ZNF641: variants seen among roughly 807,000 people sequenced by gnomAD.
ZNF641 encodes the protein zinc finger protein 641.
In ZNF641, 26 loss-of-function variants were observed where a neutral mutation model predicts 46.2. The observed-to-expected ratio is 0.56, with a 90% confidence interval of 0.41 to 0.78. ZNF641 has a LOEUF of 0.78. ZNF641 is among the 30% of genes least tolerant of loss of function. The pLI is 0.00. For synonymous variants in ZNF641, 163 were observed against 187.9 expected, an observed-to-expected ratio of 0.87 and a Z score of 1.09; for missense variants, 469 against 517.8, an observed-to-expected ratio of 0.91 and a Z score of 0.91.
At position 48,342,782 on chromosome 12, in the gene ZNF641, AC is replaced by A; in HGVS notation, c.*190del. ...GCTTCCCAAAAGTTTTGCCCAAAGA[AC>A]TCTATTTTTATGTGCTATCTCACAG... On this transcript the variant is annotated 3_prime_UTR_variant, in exon 6 of 6. Transcript: ENST00000547026. The A allele has an allele frequency of 1.4e-6, 2 of 1,413,422 alleles. No homozygotes were observed. The highest frequency in any genetic ancestry group is 1.8e-6 in the Non-Finnish European group (2 of 1,089,026). The allele number at this position is 1,413,422 out of a possible 1,614,324, so 87.6% of individuals were successfully genotyped here. A position where few individuals can be genotyped will look rare whatever the true frequency, so the allele number is the denominator to read the frequency against.
rs1336805838 is a variant in ZNF641 at position 48,339,923 on chromosome 12, T to C, written c.*3050A>G. On this transcript the variant is annotated 3_prime_UTR_variant, in exon 6 of 6. Transcript: ENST00000547026. Reference sequence around the variant, plus strand: ...AAGGGATTCTTTGAAAGATACTATGTTGGGGTGGAAAGGGGAGGATACTCA... The same window carrying C: ...AAGGGATTCTTTGAAAGATACTATGCTGGGGTGGAAAGGGGAGGATACTCA... 1.5e-5 allele frequency: 15 copies of C among 984,380 alleles called. No individual in the cohort carries two copies. The highest frequency in any genetic ancestry group is 1.1e-4 in the East Asian group (1 of 8,826). 61.0% of individuals were successfully genotyped at this position (984,380 alleles called of 1,614,324 possible). A position where few individuals can be genotyped will look rare whatever the true frequency, so the allele number is the denominator to read the frequency against.
chr12:48,343,732 G>T lies in ZNF641; in HGVS notation c.521-5C>A, dbSNP rs775350859. 1 of 1,463,066 alleles carries T rather than the reference G, an allele frequency of 6.8e-7. No homozygotes were observed. Among genetic ancestry groups the T allele is most frequent in the Non-Finnish European group, 9.1e-7 (1 of 1,104,814 alleles). 90.6% of individuals were successfully genotyped at this position (1,463,066 alleles called of 1,614,324 possible). A position where few individuals can be genotyped will look rare whatever the true frequency, so the allele number is the denominator to read the frequency against. ...CCTCATGTTCACTTCCATCTCCTGC[G>T]GAGAAGGGGAAATACCAACCCCAAG... On this transcript the variant is annotated splice_region_variant and splice_polypyrimidine_tract_variant and intron_variant, in intron 5 of 5. Coordinates refer to ENST00000547026, the MANE Select transcript of ZNF641 (RefSeq NM_001172681.2).
Position 48,339,415 on chromosome 12 carries a change from T to C in ZNF641, c.*3558A>G, listed in dbSNP as rs1183448842. On this transcript the variant is annotated 3_prime_UTR_variant, in exon 6 of 6. Transcript: ENST00000547026. ...TCCCGAGTTTCTGATTCAGTAGTTCTCCTGGGGCGGGGGCTAAGAATTTGC... is the reference window on the plus strand; with the variant it reads ...TCCCGAGTTTCTGATTCAGTAGTTCCCCTGGGGCGGGGGCTAAGAATTTGC... The C allele has an allele frequency of 6.6e-6, 1 of 152,220 alleles. No homozygotes were observed. The highest frequency in any genetic ancestry group is 2.4e-5 in the African/African-American group (1 of 41,444). 9.4% of individuals were successfully genotyped at this position (152,220 alleles called of 1,614,324 possible). A position where few individuals can be genotyped will look rare whatever the true frequency, so the allele number is the denominator to read the frequency against.
intron 1 of ZNF641, among the ~76,000 whole-genome samples, chr12:48,349,238 G>A (rs942460183): frequency 6.6e-6 from 1 of 152,158 alleles, no homozygotes. Flanking sequence ...TACAATACCA[G>A]ATAGTGGGCT....
At chr12:48,350,131 G>A (rs1484103838) in intron 1 of ZNF641, 2 of 1,612,498 alleles carry the variant, frequency 1.2e-6, no homozygotes, top group African/African-American at 1.3e-5. Context: ...CGTTTCTCCT[G>A]GTTCCAGGAT....
Position 48,347,963 on chromosome 12 carries a change from G to A in ZNF641, c.128C>T (p.Pro43Leu), listed in dbSNP as rs771918270. ...AAGGTCACAGCACAGGTGCTCCAGA[G>A]GTCCTGGTACTGTTCTCCATGGCCG... ...EERPWRTVPGPLEHLCCDLEE... is the reference protein window; with the variant it reads ...EERPWRTVPGLLEHLCCDLEE... Residue 43 changes from proline (P) to leucine (L), a missense_variant, in exon 2 of 6, where the codon CCT (proline) becomes CTT (leucine). By Grantham distance (98) the Pro-to-Leu change is moderately conservative. Coordinates refer to ENST00000547026, the MANE Select transcript of ZNF641 (RefSeq NM_001172681.2). The A allele has an allele frequency of 3.1e-6, 5 of 1,614,056 alleles. No individual in the cohort carries two copies. The highest frequency in any genetic ancestry group is 4.2e-6 in the Non-Finnish European group (5 of 1,180,038).
At chr12:48,335,989 T>C (rs890124009), downstream of ZNF641, among the ~76,000 whole-genome samples, 7 of 152,244 alleles carry the variant, frequency 4.6e-5, no homozygotes, top group Non-Finnish European at 8.8e-5. Context: ...TTGTAACGAA[T>C]GTTCAATGTC....
chr12:48,347,166 G>T, intron 3 of ZNF641, 86 bp downstream of exon 3: 1 of 1,605,302 alleles, frequency 6.2e-7, no homozygotes. Flanking sequence ...GATCATGTGA[G>T]CCAACTCATC....
Position 48,342,012 on chromosome 12 carries a change from C to G in ZNF641, c.*961G>C, listed in dbSNP as rs1184052290. The G allele has an allele frequency of 1.0e-6, 1 of 985,110 alleles. No homozygotes were observed. The highest frequency in any genetic ancestry group is 1.2e-6 in the Non-Finnish European group (1 of 829,744). 61.0% of individuals were successfully genotyped at this position (985,110 alleles called of 1,614,324 possible). ...CAGCCCCTAGAAAACCTAGCTTGTA[C>G]AGTTTGCACATAGCATGCTGTCTTC... On this transcript the variant is annotated 3_prime_UTR_variant, in exon 6 of 6. Coordinates refer to ENST00000547026, the MANE Select transcript of ZNF641 (RefSeq NM_001172681.2).
intron 1 of ZNF641, chr12:48,350,263 G>T: frequency 7.0e-7 from 1 of 1,427,674 alleles, no homozygotes; most frequent in Non-Finnish European, 9.1e-7. Flanking sequence ...AACAGAAAAG[G>T]GGCCATGTTA....
At chr12:48,334,692 G>A (rs1400700525), downstream of ZNF641, among the ~76,000 whole-genome samples, 1 of 50,738 alleles carries the variant, frequency 2.0e-5, no homozygotes, top group Admixed American at 1.4e-4. Context: ...AACACAATTA[G>A]AATAATCAAG....
At position 48,342,413 on chromosome 12, in the gene ZNF641, C is replaced by G; in HGVS notation, c.*560G>C. The G allele has an allele frequency of 1.0e-6, 1 of 986,612 alleles. No individual in the cohort carries two copies. The highest frequency in any genetic ancestry group is 1.2e-6 in the Non-Finnish European group (1 of 830,796). The allele number at this position is 986,612 out of a possible 1,614,324, so 61.1% of individuals were successfully genotyped here. ...CACTATCTCTTGTTTCCTTGTTACT[C>G]TCTAACCCAGTGTTCACCAGAGTGT... On this transcript the variant is annotated 3_prime_UTR_variant, in exon 6 of 6. Transcript: ENST00000547026.
intron 5 of ZNF641, 133 bp downstream of exon 5, chr12:48,344,466 G>T: frequency 1.8e-6 from 1 of 565,842 alleles, no homozygotes; most frequent in Non-Finnish European, 3.1e-6. Flanking sequence ...ACACTCCCTT[G>T]CTTTTGAAGA....
chr12:48,340,196 G>T lies in ZNF641; in HGVS notation c.*2777C>A, dbSNP rs1047674093. 141 of 985,290 alleles carry T rather than the reference G, an allele frequency of 1.4e-4. No individual in the cohort carries two copies. The highest frequency in any genetic ancestry group is 1.7e-4 in the Non-Finnish European group (137 of 829,940). 61.0% of individuals were successfully genotyped at this position (985,290 alleles called of 1,614,324 possible). On this transcript the variant is annotated 3_prime_UTR_variant, in exon 6 of 6. Transcript: ENST00000547026. ...TTGGACCGAGGTAGAGAAGACAGTG[G>T]TACACCAGAAATAACCCAAAGGATT...
In ZNF641 at chr12:48,339,919, T is replaced by C; in HGVS notation, c.*3054A>G. 1.0e-6 allele frequency: 1 copy of C among 984,542 alleles called. No homozygotes were observed. Among genetic ancestry groups the C allele is most frequent in the Non-Finnish European group, 1.2e-6 (1 of 829,090 alleles). 61.0% of individuals were successfully genotyped at this position (984,542 alleles called of 1,614,324 possible). ...ATGCAAGGGATTCTTTGAAAGATAC[T>C]ATGTTGGGGTGGAAAGGGGAGGATA... On this transcript the variant is annotated 3_prime_UTR_variant, in exon 6 of 6. Transcript: ENST00000547026.
rs1225872645 is a variant in ZNF641, at chr12:48,342,346, T to C, written c.*627A>G. ...ACACATGAACAAGGTCTGGCCCCCC[T>C]GGCTTTCATATGGATAAAAAAGGGG... On this transcript the variant is annotated 3_prime_UTR_variant, in exon 6 of 6. Coordinates refer to ENST00000547026, the MANE Select transcript of ZNF641 (RefSeq NM_001172681.2). 16 of 985,670 alleles carry C rather than the reference T, an allele frequency of 1.6e-5. No individual in the cohort carries two copies. Among genetic ancestry groups the C allele is most frequent in the Non-Finnish European group, 1.8e-5 (15 of 830,246 alleles). The allele number at this position is 985,670 out of a possible 1,614,324, so 61.1% of individuals were successfully genotyped here.
rs149411272 is a variant in ZNF641 at position 48,343,108 on chromosome 12, G to A, written c.1140C>T (p.His380=). 200 of 1,614,284 alleles carry A rather than the reference G, an allele frequency of 1.2e-4. 1 individual carries two copies. The African/African-American group carries it at 2.3e-3, about 18-fold the overall frequency. Residue 380 remains histidine, a synonymous_variant, in exon 6 of 6, where the codon CAC becomes CAT. Coordinates refer to ENST00000547026, the MANE Select transcript of ZNF641 (RefSeq NM_001172681.2). ...GGCACTGGAAGGGCTTCTCCCCAGTGTGGGTCAGCCAGTGTCTCACAAGGT... is the reference window on the plus strand; with the variant it reads ...GGCACTGGAAGGGCTTCTCCCCAGTATGGGTCAGCCAGTGTCTCACAAGGT... The part of the protein sequence containing the change: ...RHHLVRHWLT[H]TGEKPFQCPR...
In ZNF641 at chr12:48,350,790, G is replaced by C. The variant is rs1953013291; in HGVS notation, c.-30C>G. 1 of 981,956 alleles carries C rather than the reference G, an allele frequency of 1.0e-6. No individual in the cohort carries two copies. Among genetic ancestry groups the C allele is most frequent in the South Asian group, 4.7e-5 (1 of 21,220 alleles). 60.8% of individuals were successfully genotyped at this position (981,956 alleles called of 1,614,324 possible). A position where few individuals can be genotyped will look rare whatever the true frequency, so the allele number is the denominator to read the frequency against. On this transcript the variant is annotated 5_prime_UTR_variant, in exon 1 of 6. Coordinates refer to ENST00000547026, the MANE Select transcript of ZNF641 (RefSeq NM_001172681.2). ...CTCCGGCCCGGCTCCACTCACCCCC[G>C]GTAGGCTTGGCCCGCGGCCCGGTGC... is the stretch of plus-strand genomic sequence containing the variant.
chr12:48,340,428 T>C lies in ZNF641; in HGVS notation c.*2545A>G. 1 of 985,472 alleles carries C rather than the reference T, an allele frequency of 1.0e-6. No homozygotes were observed. Among genetic ancestry groups the C allele is most frequent in the Admixed American group, 6.1e-5 (1 of 16,292 alleles). 61.0% of individuals were successfully genotyped at this position (985,472 alleles called of 1,614,324 possible). On this transcript the variant is annotated 3_prime_UTR_variant, in exon 6 of 6. Coordinates refer to ENST00000547026, the MANE Select transcript of ZNF641 (RefSeq NM_001172681.2). ...CCTTCAAACAAGATTTGTGAGGAGC[T>C]GGATTTGTCAGCATGTCAGATCTTT...
Sources: allele counts gnomAD v4.1 joint callset (sites outside exome capture counted in the v4.1 genomes callset), GRCh38; gene constraint gnomAD v4.1.1; transcripts MANE v1.5; gene names NCBI Gene and HGNC (gene_info 2026-07-23, HGNC 2026-07-21).